The following ZNHIT6 variants were observed in gnomAD, a reference collection of about 807,000 sequenced individuals.
ZNHIT6 encodes box C/D snoRNA protein 1.
ZNHIT6 carries 45 observed loss-of-function variants against 57.2 expected under a neutral mutation model. The ratio of observed to expected loss-of-function variants is 0.79; its 90% CI spans 0.62 to 1.01. ZNHIT6 has a LOEUF of 1.01. ZNHIT6 is among the 50% of genes least tolerant of loss of function. The pLI is 0.00. For synonymous variants in ZNHIT6, 188 were observed against 190.0 expected (o/e 0.99, Z 0.09); for missense variants, 528 against 567.3 (o/e 0.93, Z 0.70).
chr1:85,672,626 G>T (rs1661590281), intron 8 of ZNHIT6, among the ~76,000 whole-genome samples: 1 of 151,890 alleles, frequency 6.6e-6, no homozygotes, highest in Non-Finnish European at 1.5e-5. Flanking sequence ...TTAGACATAG[G>T]TTTCTTATGA....
intron 8 of ZNHIT6, among the ~76,000 whole-genome samples, chr1:85,660,024 CA>C (rs1661181128): frequency 6.6e-6 from 1 of 152,106 alleles, no homozygotes; most frequent in African/African-American, 2.4e-5. Flanking sequence ...GATGTACTTA[CA>C]ATACTTTAAA....
intron 5 of ZNHIT6, among the ~76,000 whole-genome samples, chr1:85,684,436 C>T (rs1421655421): frequency 2.6e-5 from 4 of 152,088 alleles, no homozygotes; most frequent in Non-Finnish European, 5.9e-5. Flanking sequence ...GAAGGGCCAA[C>T]AAAATCTTGC....
chr1:85,668,984 T>C lies in ZNHIT6; in HGVS notation c.1247+8252A>G, dbSNP rs1053612661. On this transcript the variant is annotated intron_variant, in intron 8 of 9. Transcript: ENST00000370574. Reference sequence around the variant, plus strand: ...CATGGTCACCCTTGGGAGACAGAGATTGTAAAAAAAAAAAATGTAGGTTTC... The same window carrying C: ...CATGGTCACCCTTGGGAGACAGAGACTGTAAAAAAAAAAAATGTAGGTTTC... Among the ~76,000 whole-genome samples, 4 of 150,178 alleles carry C rather than the reference T, an allele frequency of 2.7e-5. 1 individual carries two copies. The highest frequency in any genetic ancestry group is 2.6e-4 in the Admixed American group (4 of 15,240).
At chr1:85,662,364 T>A (rs888464963) in intron 8 of ZNHIT6, among the ~76,000 whole-genome samples, 2 of 152,116 alleles carry the variant, frequency 1.3e-5, no homozygotes, top group African/African-American at 4.8e-5. Flanking sequence ...TCCACTAAAA[T>A]AAGATCATTG....
chr1:85,678,641 C>A, intron 7 of ZNHIT6, 60 bp downstream of exon 7: 1 of 1,132,600 alleles, frequency 8.8e-7, no homozygotes, highest in Admixed American at 2.1e-5. Context: ...ATGGATGACC[C>A]TAATAAGTAC....
chr1:85,662,601 T>C (rs1661256419), intron 8 of ZNHIT6, among the ~76,000 whole-genome samples: 1 of 152,226 alleles, frequency 6.6e-6, no homozygotes, highest in Admixed American at 6.5e-5. Flanking sequence ...CAACTCCTAA[T>C]GTTCAAGTCA....
At chr1:85,690,726 A>G (rs1297385872) in intron 5 of ZNHIT6, among the ~76,000 whole-genome samples, 2 of 152,164 alleles carry the variant, frequency 1.3e-5, no homozygotes, top group Non-Finnish European at 2.9e-5. Context: ...GGTGCTTTTT[A>G]GAAGTAAAGA....
In ZNHIT6 at chr1:85,680,899, T is replaced by C. The variant is rs754743410; in HGVS notation, c.1025A>G (p.Gln342Arg). 2 of 1,611,728 alleles carry C rather than the reference T, an allele frequency of 1.2e-6. No homozygotes were observed. Reference sequence around the variant, plus strand: ...GAGCTTCACATGCCAACAAAACTGTTGTTTTCTAAGAGAGAAAATAATCAT... The same window carrying C: ...GAGCTTCACATGCCAACAAAACTGTCGTTTTCTAAGAGAGAAAATAATCAT... ...ENSTFFDKKK[Q>R]QFCWHVKLQF... Residue 342 changes from glutamine (Q) to arginine (R), a missense_variant, in exon 6 of 10, where the codon CAA becomes CGA. By Grantham distance (43) the Gln-to-Arg change is conservative (BLOSUM62 1). Coordinates refer to ENST00000370574, the MANE Select transcript of ZNHIT6 (RefSeq NM_017953.4).
chr1:85,662,177 T>A (rs1570285394), intron 8 of ZNHIT6, among the ~76,000 whole-genome samples: 1 of 144,566 alleles, frequency 6.9e-6, no homozygotes. Context: ...AAAAACCTCC[T>A]CATAACCACA....
intron 8 of ZNHIT6, among the ~76,000 whole-genome samples, chr1:85,667,985 T>TGC (rs1553155865): frequency 2.6e-4 from 26 of 99,640 alleles, no homozygotes; most frequent in Non-Finnish European, 3.9e-4. Context: ...TATATATATA[T>TGC]GCTCTGCTTT....
In ZNHIT6 at chr1:85,678,738, T is replaced by A; in HGVS notation, c.1132A>T (p.Ile378Phe). ...ACAGGATCAGACTTTTCAGGATCAATGTAAGGTTTTAGGATTTCATTAATA... is the reference window on the plus strand; with the variant it reads ...ACAGGATCAGACTTTTCAGGATCAAAGTAAGGTTTTAGGATTTCATTAATA... ...KTINEILKPY[I>F]DPEKSDPVIR... is the part of the protein sequence containing the mutation. The change falls in exon 7 of 10, where the codon ATT (isoleucine) becomes TTT (phenylalanine). Residue 378 changes from isoleucine (I) to phenylalanine (F), a missense_variant. By Grantham distance (21) the Ile-to-Phe change is conservative. Coordinates refer to ENST00000370574, the MANE Select transcript of ZNHIT6 (RefSeq NM_017953.4). The A allele has an allele frequency of 6.3e-7, 1 of 1,593,284 alleles. No homozygotes were observed. The highest frequency in any genetic ancestry group is 8.5e-7 in the Non-Finnish European group (1 of 1,170,220).
At chr1:85,669,163 A>T (rs551115657) in intron 8 of ZNHIT6, among the ~76,000 whole-genome samples, 1 of 152,162 alleles carries the variant, frequency 6.6e-6, no homozygotes, top group African/African-American at 2.4e-5. Flanking sequence ...CACTGGGGAG[A>T]GGTTTACAGG....
chr1:85,694,895 G>A (rs1298906013), intron 5 of ZNHIT6, among the ~76,000 whole-genome samples: 2 of 152,110 alleles, frequency 1.3e-5, no homozygotes, highest in African/African-American at 4.8e-5. Flanking sequence ...AGACTTCTGG[G>A]GTGCTGGTAA....
chr1:85,657,949 T>C lies in ZNHIT6; in HGVS notation c.1270A>G (p.Lys424Glu), dbSNP rs1661107295. The C allele has an allele frequency of 4.5e-6, 7 of 1,548,964 alleles. No homozygotes were observed. Among genetic ancestry groups the C allele is most frequent in the Non-Finnish European group, 6.2e-6 (7 of 1,129,008 alleles). Residue 424 changes from lysine to glutamate, a missense_variant, in exon 9 of 10, where the codon AAA becomes GAA. Lys to Glu is a moderately conservative substitution (Grantham distance 56, BLOSUM62 1). Transcript: ENST00000370574. ...TTCCTCAAATTGTCTAGGAGACTTT[T>C]ATAAGGATCTAGTTCATAATATCTT... ...LVRYYELDPYKSLLDNLRNKV... is the reference protein window; with the variant it reads ...LVRYYELDPYESLLDNLRNKV...
intron 8 of ZNHIT6, among the ~76,000 whole-genome samples, chr1:85,659,363 A>G (rs578004007): frequency 3.5e-4 from 54 of 152,304 alleles, no homozygotes; most frequent in African/African-American, 1.2e-3. Context: ...ATGTCATTTC[A>G]TGTCAAAGAA....
At chr1:85,685,490 T>A (rs1350036271) in intron 5 of ZNHIT6, among the ~76,000 whole-genome samples, 1 of 147,446 alleles carries the variant, frequency 6.8e-6, no homozygotes, top group Admixed American at 7.0e-5. Flanking sequence ...CTATGATTAT[T>A]TCTTGACATT....
chr1:85,680,148 T>C (rs1450757718), intron 6 of ZNHIT6, among the ~76,000 whole-genome samples: 2 of 152,104 alleles, frequency 1.3e-5, no homozygotes, highest in East Asian at 3.9e-4. Context: ...GAAGCTGCAG[T>C]GAGCGGAGGT....
At chr1:85,695,808 G>C in intron 5 of ZNHIT6, among the ~76,000 whole-genome samples, 1 of 152,206 alleles carries the variant, frequency 6.6e-6, no homozygotes, top group East Asian at 1.9e-4. Flanking sequence ...AGGCCGAGGC[G>C]GGCGGATCAC....
At chr1:85,668,460 A>G (rs1296373064) in intron 8 of ZNHIT6, among the ~76,000 whole-genome samples, 1 of 152,120 alleles carries the variant, frequency 6.6e-6, no homozygotes, top group East Asian at 1.9e-4. Flanking sequence ...TTCAACAGTT[A>G]TTTTCAGGGG....
Sources: gnomAD v4.1 joint callset for allele counts (sites outside exome capture counted in the v4.1 genomes callset) on GRCh38, gnomAD v4.1.1 for gene constraint, MANE v1.5 for transcripts, NCBI Gene and HGNC (gene_info 2026-07-23, HGNC 2026-07-21) for gene names.